MGST1: variants seen among roughly 807,000 people sequenced by gnomAD.
MGST1 encodes the protein glutathione S-transferase 12.
Under a neutral mutation model 8.9 loss-of-function variants are expected in MGST1, and 5 were observed. The observed-to-expected ratio is 0.56, with a 90% CI of 0.29 to 1.19. The LOEUF is 1.19. Ranked by LOEUF, MGST1 falls within the 50% of genes most tolerant of loss-of-function variation. The pLI is 0.08. For synonymous variants in MGST1, 54 were observed against 67.8 expected (o/e 0.80, Z 1.00); for missense variants, 182 against 187.4 (o/e 0.97, Z 0.17).
At position 16,364,214 on chromosome 12, in the gene MGST1, G is replaced by T; in HGVS notation, c.*173G>T. On this transcript the variant is annotated 3_prime_UTR_variant, in exon 4 of 4. Coordinates refer to ENST00000396210, the MANE Select transcript of MGST1 (RefSeq NM_020300.5). This position sits in a 1 kb window ranked among gnomAD's most constrained non-coding sequence, Gnocchi z 5.7. ...TATCCTGTATTCTTGTTTTACATTT[G>T]GATTAGAAATTTAACATAGTAATTC... 7.8e-7 allele frequency: 1 copy of T among 1,275,936 alleles called. No individual in the cohort carries two copies. The allele number at this position is 1,275,936 out of a possible 1,614,324, so 79.0% of individuals were successfully genotyped here.
At chr12:16,466,158 G>A (rs1045365053) in intron 4 of MGST1, among the ~76,000 whole-genome samples, 1 of 152,152 alleles carries the variant, frequency 6.6e-6, no homozygotes, top group African/African-American at 2.4e-5. Flanking sequence ...TTTTTTTAGA[G>A]ACACGTCATT....
chr12:16,554,774 A>G (rs1034733549), intron 4 of MGST1, among the ~76,000 whole-genome samples: 1 of 152,270 alleles, frequency 6.6e-6, no homozygotes, highest in East Asian at 1.9e-4. Flanking sequence ...CTCCTGCCTC[A>G]GCCTCCCCAG....
chr12:16,449,193 G>C (rs915052654), intron 4 of MGST1, among the ~76,000 whole-genome samples: 6 of 151,952 alleles, frequency 3.9e-5, no homozygotes, highest in Non-Finnish European at 5.9e-5. Flanking sequence ...CTTGTTGTCA[G>C]TATTTGCTTC....
intron 4 of MGST1, among the ~76,000 whole-genome samples, chr12:16,561,354 G>GAATT (rs577203313): frequency 8.3e-4 from 127 of 152,224 alleles, no homozygotes; most frequent in African/African-American, 2.9e-3. Context: ...TGGAGGGGAA[G>GAATT]AATTATTACA....
intron 1 of MGST1, among the ~76,000 whole-genome samples, chr12:16,420,332 G>A (rs557316701): frequency 1.2e-4 from 19 of 152,202 alleles, no homozygotes; most frequent in South Asian, 8.3e-4. Context: ...CCTGGTACAC[G>A]TTCATAATCT....
intron 4 of MGST1, among the ~76,000 whole-genome samples, chr12:16,444,219 T>C (rs373567383): frequency 2.6e-5 from 4 of 151,110 alleles, no homozygotes; most frequent in African/African-American, 9.7e-5. Context: ...CTTGGATTTT[T>C]AGTGCACCTT....
chr12:16,397,757 G>T (rs1261804117), intron 1 of MGST1, among the ~76,000 whole-genome samples: 1 of 146,212 alleles, frequency 6.8e-6, no homozygotes. Context: ...CCTTTACCCT[G>T]AACTTCTTAA....
intron 1 of MGST1, among the ~76,000 whole-genome samples, chr12:16,431,493 A>C (rs950612334): frequency 6.6e-6 from 1 of 152,046 alleles, no homozygotes; most frequent in Admixed American, 6.6e-5. Context: ...GGCCATTGTA[A>C]GTTCATTTAT....
intron 3 of MGST1, among the ~76,000 whole-genome samples, chr12:16,359,147 A>G (rs1271106922): frequency 6.6e-6 from 1 of 152,144 alleles, no homozygotes; most frequent in Non-Finnish European, 1.5e-5. Context: ...GGCAGCACAA[A>G]CATTTTAAGT....
chr12:16,456,385 G>A (rs1941172700), intron 4 of MGST1, among the ~76,000 whole-genome samples: 1 of 151,722 alleles, frequency 6.6e-6, no homozygotes, highest in African/African-American at 2.4e-5. Context: ...AAAAAATATA[G>A]TTTATCTTAA....
intron 1 of MGST1, chr12:16,402,249 C>G (rs1289957879): frequency 6.3e-7 from 1 of 1,588,292 alleles, no homozygotes; most frequent in Non-Finnish European, 8.6e-7. Flanking sequence ...TAGTTCATAA[C>G]CAAAGAGCCA....
At chr12:16,483,286 A>G (rs1941377091) in intron 4 of MGST1, among the ~76,000 whole-genome samples, 1 of 152,052 alleles carries the variant, frequency 6.6e-6, no homozygotes, top group Admixed American at 6.6e-5. Context: ...TTGGATCCTG[A>G]TGTGCCCTTA....
At chr12:16,350,539 C>T (rs766604735) in intron 1 of MGST1, among the ~76,000 whole-genome samples, 1 of 152,140 alleles carries the variant, frequency 6.6e-6, no homozygotes, top group Non-Finnish European at 1.5e-5. Flanking sequence ...GACAACCTTT[C>T]CTGGTAAAAG....
chr12:16,470,827 A>G (rs919480021), intron 4 of MGST1, among the ~76,000 whole-genome samples: 1 of 152,210 alleles, frequency 6.6e-6, no homozygotes, highest in African/African-American at 2.4e-5. Context: ...AGAGTTAACT[A>G]TTTTTCCAAA....
At chr12:16,430,661 A>C (rs1468130730) in intron 1 of MGST1, among the ~76,000 whole-genome samples, 3 of 152,056 alleles carry the variant, frequency 2.0e-5, no homozygotes, top group Non-Finnish European at 4.4e-5. Flanking sequence ...TAAAATATTC[A>C]GTTAATAGTG....
At chr12:16,577,346 A>T (rs1307099053) in intron 4 of MGST1, among the ~76,000 whole-genome samples, 1 of 152,168 alleles carries the variant, frequency 6.6e-6, no homozygotes, top group Non-Finnish European at 1.5e-5. Context: ...CAATTCTTCC[A>T]TGAAGGCCTC....
At chr12:16,501,647 A>G (rs983096786) in intron 4 of MGST1, among the ~76,000 whole-genome samples, 3 of 152,188 alleles carry the variant, frequency 2.0e-5, no homozygotes, top group African/African-American at 7.2e-5. Flanking sequence ...TGTGTCCCCT[A>G]TAAGGACTAA....
At chr12:16,563,184 C>T (rs1208331627) in intron 4 of MGST1, among the ~76,000 whole-genome samples, 7 of 152,154 alleles carry the variant, frequency 4.6e-5, no homozygotes, top group Non-Finnish European at 8.8e-5. Context: ...ACTGTCAGCT[C>T]ACAGACTGAG....
chr12:16,519,900 G>C (rs923586011), intron 4 of MGST1, among the ~76,000 whole-genome samples: 1 of 152,106 alleles, frequency 6.6e-6, no homozygotes, highest in East Asian at 1.9e-4. Context: ...ATCAACATTT[G>C]TATATGTCTT....
Sources: allele counts gnomAD v4.1 joint callset (sites outside exome capture counted in the v4.1 genomes callset), GRCh38; gene constraint gnomAD v4.1.1; non-coding constraint Gnocchi (gnomAD v3.1); transcripts MANE v1.5; gene names NCBI Gene and HGNC (gene_info 2026-07-23, HGNC 2026-07-21).